Variants in RIMS2 observed in about 807,000 individuals in gnomAD.
RIMS2 encodes the protein regulating synaptic membrane exocytosis protein 2.
A neutral mutation model predicts 174.4 loss-of-function variants in RIMS2; 59 were observed. That is an observed-to-expected ratio of 0.34 (90% CI 0.27 to 0.42). The LOEUF (loss-of-function observed/expected upper bound fraction) is 0.42. Ranked by LOEUF, RIMS2 falls within the 10% of genes least tolerant of loss-of-function variation. The pLI, the probability that RIMS2 is intolerant of heterozygous loss-of-function variation, is 1.00. For synonymous variants in RIMS2, 606 were observed against 572.5 expected (o/e 1.06, Z -0.84); for missense variants, 1,620 against 1,666.3 (o/e 0.97, Z 0.48).
chr8:104,047,199 C>A (rs2096710517), intron 19 of RIMS2, among the ~76,000 whole-genome samples: 1 of 148,566 alleles, frequency 6.7e-6, no homozygotes, highest in Admixed American at 6.6e-5. Context: ...TGGAATGCAA[C>A]ATTTTTTAGT....
intron 9 of RIMS2, among the ~76,000 whole-genome samples, 172 bp from the exon 13 acceptor site, chr8:103,921,500 T>A (rs1203370609): frequency 6.6e-6 from 1 of 152,140 alleles, no homozygotes; most frequent in East Asian, 1.9e-4. Context: ...GCCCTTTGGC[T>A]TCCAAAAAAA....
intron 1 of RIMS2, among the ~76,000 whole-genome samples, chr8:103,674,589 C>T (rs1238125820): frequency 6.6e-6 from 1 of 151,468 alleles, no homozygotes; most frequent in Non-Finnish European, 1.5e-5. Flanking sequence ...TATTTTTATG[C>T]CTTTACAACT....
rs191593633 is a variant in RIMS2 at position 104,031,126 on chromosome 8, A to G, written c.3334+16511A>G. Among the ~76,000 whole-genome samples the G allele has an allele frequency of 3.9e-5, 6 of 152,264 alleles. No individual in the cohort carries two copies. The East Asian group carries it at 1.2e-3, about 29-fold the overall frequency. On this transcript the variant is annotated intron_variant, in intron 19 of 23. Transcript: ENST00000504942. ...TAAATATCTTTGTCTTCCTTTATCAAGATTTTTATCAAAATAATATCTCAT... is the reference window on the plus strand; with the variant it reads ...TAAATATCTTTGTCTTCCTTTATCAGGATTTTTATCAAAATAATATCTCAT...
intron 1 of RIMS2, chr8:103,568,860 A>T: frequency 8.6e-7 from 1 of 1,158,314 alleles, no homozygotes; most frequent in South Asian, 1.2e-5. Flanking sequence ...GTCTTTGTTA[A>T]TTGCTGTCTG....
chr8:104,070,644 G>A (rs1375471824), intron 19 of RIMS2, among the ~76,000 whole-genome samples: 1 of 151,952 alleles, frequency 6.6e-6, no homozygotes, highest in Non-Finnish European at 1.5e-5. Flanking sequence ...TAATCCAGAG[G>A]CCAAAGCATA....
At chr8:103,538,355 A>G (rs539176656) in intron 1 of RIMS2, among the ~76,000 whole-genome samples, 1 of 151,960 alleles carries the variant, frequency 6.6e-6, no homozygotes, top group Non-Finnish European at 1.5e-5. Flanking sequence ...TCCGTAAGTT[A>G]TTGGGATACA....
chr8:103,863,930 A>C (rs1389925472), intron 3 of RIMS2, among the ~76,000 whole-genome samples: 1 of 135,652 alleles, frequency 7.4e-6, no homozygotes, highest in African/African-American at 2.8e-5. Flanking sequence ...GTTTTTTTTG[A>C]TGGAGTCTTG....
At chr8:104,197,253 G>A (rs955126879) in intron 19 of RIMS2, among the ~76,000 whole-genome samples, 12 of 147,874 alleles carry the variant, frequency 8.1e-5, no homozygotes, top group African/African-American at 2.5e-4. Context: ...TTGGCTCACT[G>A]CAACCTCCAT....
chr8:103,889,844 A>T (rs72681357), intron 4 of RIMS2, among the ~76,000 whole-genome samples: 9,697 of 151,916 alleles, frequency 0.064, 422 homozygotes, highest in Non-Finnish European at 0.093. Context: ...TGCTAATTAC[A>T]ATGACTGGGC....
intron 19 of RIMS2, among the ~76,000 whole-genome samples, chr8:104,173,471 T>C (rs959065533): frequency 3.1e-4 from 47 of 152,142 alleles, no homozygotes; most frequent in African/African-American, 9.2e-4. Flanking sequence ...CACCAGATTA[T>C]TTTATTGAAG....
chr8:103,859,579 GTGGA>G (rs1482778400), intron 3 of RIMS2, among the ~76,000 whole-genome samples: 1 of 151,988 alleles, frequency 6.6e-6, no homozygotes, highest in Non-Finnish European at 1.5e-5. Flanking sequence ...AAGAGGGTAG[GTGGA>G]TGGGTGTCAG....
chr8:103,823,904 A>G (rs984730864), intron 3 of RIMS2, among the ~76,000 whole-genome samples: 1 of 152,042 alleles, frequency 6.6e-6, no homozygotes, highest in South Asian at 2.1e-4. Flanking sequence ...TCTAATATAC[A>G]CATTTTATGT....
intron 3 of RIMS2, among the ~76,000 whole-genome samples, chr8:103,812,253 T>C (rs912078903): frequency 1.3e-5 from 2 of 152,128 alleles, no homozygotes; most frequent in African/African-American, 2.4e-5. Context: ...AGGCTGTTCT[T>C]CCTTTCTTCC....
At chr8:103,552,282 C>G (rs1046124457) in intron 1 of RIMS2, among the ~76,000 whole-genome samples, 1 of 152,036 alleles carries the variant, frequency 6.6e-6, no homozygotes, top group Non-Finnish European at 1.5e-5. Context: ...GAACAGAGCC[C>G]TCAGAAATAA....
At chr8:104,236,950 G>A (rs1405369859) in intron 19 of RIMS2, among the ~76,000 whole-genome samples, 1 of 152,026 alleles carries the variant, frequency 6.6e-6, no homozygotes, top group African/African-American at 2.4e-5. Context: ...GTTAATAATT[G>A]GGAAAACTGG....
chr8:104,099,087 G>T (rs1332807223), intron 19 of RIMS2, among the ~76,000 whole-genome samples: 3 of 152,102 alleles, frequency 2.0e-5, no homozygotes, highest in Non-Finnish European at 4.4e-5. Flanking sequence ...AGTGAGCATT[G>T]CCTGTTATTC....
At chr8:103,845,988 T>A (rs1283281183) in intron 3 of RIMS2, among the ~76,000 whole-genome samples, 1 of 152,158 alleles carries the variant, frequency 6.6e-6, no homozygotes, top group Non-Finnish European at 1.5e-5. Flanking sequence ...GAAAACTTGT[T>A]TTCAAACAAA....
chr8:104,238,096 A>G lies in RIMS2; in HGVS notation c.3335-6820A>G, dbSNP rs534663540. ...TGGATAAAGAAAATGTGGCACATAT[A>G]CACCATGGAATACTATGCAGCCATA... On this transcript the variant is annotated intron_variant, in intron 19 of 23. Transcript: ENST00000504942. Among the ~76,000 whole-genome samples the G allele has an allele frequency of 3.3e-5, 5 of 152,324 alleles. No homozygotes were observed. In the South Asian group the frequency reaches 1.0e-3, roughly 32 times the overall value.
At chr8:103,807,053 G>A (rs2098654899) in intron 3 of RIMS2, among the ~76,000 whole-genome samples, 1 of 152,114 alleles carries the variant, frequency 6.6e-6, no homozygotes. Flanking sequence ...TAAGGGCAAA[G>A]ATATACAGAA....
Sources: gnomAD v4.1 joint callset for allele counts (sites outside exome capture counted in the v4.1 genomes callset) on GRCh38, gnomAD v4.1.1 for gene constraint, MANE v1.5 for transcripts, NCBI Gene and HGNC (gene_info 2026-07-23, HGNC 2026-07-21) for gene names.